The following GRIN3A variants were observed in gnomAD, a reference collection of about 807,000 sequenced individuals.
The protein encoded by GRIN3A is glutamate ionotropic receptor NMDA type subunit 3A.
A neutral mutation model predicts 92.4 loss-of-function variants in GRIN3A; 47 were observed. The ratio of observed to expected loss-of-function variants is 0.51; its 90% CI spans 0.40 to 0.65. The LOEUF (loss-of-function observed/expected upper bound fraction) is 0.65. Among genes scored for constraint, GRIN3A ranks in the 30% least tolerant of loss-of-function variants. The pLI, the probability that GRIN3A is intolerant of heterozygous loss-of-function variation, is 0.00. For synonymous variants in GRIN3A, 527 were observed against 540.6 expected, an observed-to-expected ratio of 0.97 and a Z score of 0.35; for missense variants, 1,324 against 1,393.1, an observed-to-expected ratio of 0.95 and a Z score of 0.79.
intron 3 of GRIN3A, among the ~76,000 whole-genome samples, chr9:101,644,438 C>A (rs1369949197): frequency 1.4e-5 from 2 of 142,664 alleles, no homozygotes; most frequent in Non-Finnish European, 3.0e-5. Flanking sequence ...GTTCCTGGCC[C>A]CTTGAAATTA....
At chr9:101,707,719 T>C (rs1829829797) in intron 1 of GRIN3A, among the ~76,000 whole-genome samples, 1 of 152,182 alleles carries the variant, frequency 6.6e-6, no homozygotes, top group Non-Finnish European at 1.5e-5. Context: ...AGACAATTAT[T>C]TGTACCCTTA....
chr9:101,572,604 TG>T lies in GRIN3A; in HGVS notation c.*569del. 6.2e-6 allele frequency: 1 copy of T among 161,022 alleles called. No homozygotes were observed. The highest frequency in any genetic ancestry group is 1.7e-4 in the South Asian group (1 of 5,918). The allele number at this position is 161,022 out of a possible 1,614,324, so 10.0% of individuals were successfully genotyped here. Reference sequence around the variant, plus strand: ...CCTTCTCAAAAACATGGCTCTTGCCTGGTCCAATCAATCCTTGACGTTTATG... The same window carrying T: ...CCTTCTCAAAAACATGGCTCTTGCCTGTCCAATCAATCCTTGACGTTTATG... On this transcript the variant is annotated 3_prime_UTR_variant, in exon 9 of 9. Coordinates refer to ENST00000361820, the MANE Select transcript of GRIN3A (RefSeq NM_133445.3).
chr9:101,670,744 G>T lies in GRIN3A; in HGVS notation c.1668C>A (p.Ser556Arg). The T allele has an allele frequency of 1.2e-6, 2 of 1,614,022 alleles. No homozygotes were observed. Among genetic ancestry groups the T allele is most frequent in the South Asian group, 1.1e-5 (1 of 91,090 alleles). ...PMTNDSSTLD[S>R]LFSSLHSSND... Reference sequence around the variant, plus strand: ...TACTGCTATGGAGGCTGCTAAAAAGGCTGTCCAATGTGGAAGAGTCATTAG... The same window carrying T: ...TACTGCTATGGAGGCTGCTAAAAAGTCTGTCCAATGTGGAAGAGTCATTAG... Residue 556 changes from serine (S) to arginine (R), a missense_variant, in exon 3 of 9, where the codon AGC (serine) becomes AGA (arginine). Transcript: ENST00000361820.
At chr9:101,611,241 T>A (rs895456670) in intron 6 of GRIN3A, among the ~76,000 whole-genome samples, 3 of 152,172 alleles carry the variant, frequency 2.0e-5, no homozygotes, top group Non-Finnish European at 4.4e-5. Context: ...TTTATGCTTC[T>A]CTCCTAGCTT....
chr9:101,681,563 T>A lies in GRIN3A; in HGVS notation c.1304+5033A>T, dbSNP rs192223319. ...GGTGAATTTGCATATGTCATTTCCTTTGTCTGTGAATTTGTTCCAAACCTA... is the reference window on the plus strand; with the variant it reads ...GGTGAATTTGCATATGTCATTTCCTATGTCTGTGAATTTGTTCCAAACCTA... On this transcript the variant is annotated intron_variant, in intron 2 of 8. Transcript: ENST00000361820. Among the ~76,000 whole-genome samples the A allele has an allele frequency of 5.4e-4, 82 of 152,350 alleles. 1 individual carries two copies. Among genetic ancestry groups the A allele is most frequent in the Admixed American group, 5.2e-4 (8 of 15,310 alleles).
At chr9:101,594,054 T>C (rs1430363828) in intron 6 of GRIN3A, 1 of 206,102 alleles carries the variant, frequency 4.9e-6, no homozygotes, top group Non-Finnish European at 9.7e-6. Context: ...TCCTCCCATA[T>C]ACAAAATGAT....
chr9:101,670,083 G>T lies in GRIN3A; in HGVS notation c.2329C>A (p.Leu777Ile), dbSNP rs1174072157. Reference sequence around the variant, plus strand: ...ACCTTGGGGTCATGTATTCCAGAAAGCTCTTCATAGATCTTCTCACCTACC... The same window carrying T: ...ACCTTGGGGTCATGTATTCCAGAAATCTCTTCATAGATCTTCTCACCTACC... ...VMVGEKIYEE[L>I]SGIHDPKLHH... Residue 777 changes from leucine (L) to isoleucine (I), a missense_variant, in exon 3 of 9, where the codon CTT (leucine) becomes ATT (isoleucine). Physicochemically the swap from Leu to Ile is conservative, Grantham distance 5. Transcript: ENST00000361820. 1.2e-6 allele frequency: 2 copies of T among 1,613,412 alleles called. No individual in the cohort carries two copies. The highest frequency in any genetic ancestry group is 1.7e-6 in the Non-Finnish European group (2 of 1,179,524).
At chr9:101,719,458 G>A (rs928489190) in intron 1 of GRIN3A, among the ~76,000 whole-genome samples, 1 of 151,598 alleles carries the variant, frequency 6.6e-6, no homozygotes, top group African/African-American at 2.4e-5. Flanking sequence ...GGGTTAGGAG[G>A]CCATTTAAAT....
intron 3 of GRIN3A, among the ~76,000 whole-genome samples, chr9:101,660,510 C>T (rs1239064096): frequency 6.6e-6 from 1 of 151,664 alleles, no homozygotes; most frequent in Non-Finnish European, 1.5e-5. Context: ...TTGCTTAGGC[C>T]CTAGGAACAG....
At chr9:101,691,043 C>A (rs527994289) in intron 1 of GRIN3A, among the ~76,000 whole-genome samples, 9 of 151,848 alleles carry the variant, frequency 5.9e-5, no homozygotes, top group African/African-American at 1.9e-4. Context: ...CACAGCACAC[C>A]GTATTTTTAG....
rs1369411451 is a variant in GRIN3A at position 101,570,122 on chromosome 9, T to A, written c.*3052A>T. The A allele has an allele frequency of 2.6e-5, 4 of 152,156 alleles. No individual in the cohort carries two copies. Among genetic ancestry groups the A allele is most frequent in the Non-Finnish European group, 5.9e-5 (4 of 68,056 alleles). 9.4% of individuals were successfully genotyped at this position (152,156 alleles called of 1,614,324 possible). Reference sequence around the variant, plus strand: ...AATTTGTTTTTAAATTTTGGGAGATTCCCCTTTCTCCTCCACCTGGAAGCA... The same window carrying A: ...AATTTGTTTTTAAATTTTGGGAGATACCCCTTTCTCCTCCACCTGGAAGCA... On this transcript the variant is annotated 3_prime_UTR_variant, in exon 9 of 9. Coordinates refer to ENST00000361820, the MANE Select transcript of GRIN3A (RefSeq NM_133445.3).
intron 1 of GRIN3A, among the ~76,000 whole-genome samples, chr9:101,687,577 C>T (rs1829555475): frequency 6.6e-6 from 1 of 152,148 alleles, no homozygotes; most frequent in Admixed American, 6.5e-5. Flanking sequence ...ACTTTGATCT[C>T]ATACGCAATA....
chr9:101,604,803 A>C (rs1219407396), intron 6 of GRIN3A, among the ~76,000 whole-genome samples: 3 of 151,412 alleles, frequency 2.0e-5, no homozygotes, highest in Non-Finnish European at 4.4e-5. Flanking sequence ...GAAAAAACTG[A>C]CTGGCATTGA....
intron 1 of GRIN3A, among the ~76,000 whole-genome samples, chr9:101,709,551 A>G (rs1453127069): frequency 6.6e-6 from 1 of 152,178 alleles, no homozygotes; most frequent in African/African-American, 2.4e-5. Flanking sequence ...ATCTGTAGTG[A>G]TTTAGAGGAG....
chr9:101,596,099 A>G (rs1231849079), intron 6 of GRIN3A, among the ~76,000 whole-genome samples: 1 of 152,224 alleles, frequency 6.6e-6, no homozygotes, highest in Non-Finnish European at 1.5e-5. Context: ...CATCAAACTG[A>G]AAGATGCAAA....
intron 4 of GRIN3A, among the ~76,000 whole-genome samples, chr9:101,626,193 T>C (rs1828632580): frequency 6.6e-6 from 1 of 152,218 alleles, no homozygotes; most frequent in African/African-American, 2.4e-5. Context: ...CTGTCTTTTC[T>C]TAAGCATTAT....
intron 6 of GRIN3A, chr9:101,594,752 C>G (rs1436991419): frequency 2.5e-6 from 4 of 1,614,124 alleles, no homozygotes; most frequent in Non-Finnish European, 1.7e-6. Context: ...GTCGATCACT[C>G]GCCGCACCAA....
intron 3 of GRIN3A, among the ~76,000 whole-genome samples, chr9:101,634,491 A>C (rs1828758077): frequency 6.6e-6 from 1 of 151,534 alleles, no homozygotes; most frequent in Non-Finnish European, 1.5e-5. Context: ...TATGCTAATA[A>C]ATTCATATCT....
chr9:101,662,513 C>T (rs1259358718), intron 3 of GRIN3A, among the ~76,000 whole-genome samples: 1 of 151,530 alleles, frequency 6.6e-6, no homozygotes, highest in East Asian at 1.9e-4. Flanking sequence ...TGAATATTAG[C>T]TTTTCTTTTA....
Sources: gnomAD v4.1 joint callset for allele counts (sites outside exome capture counted in the v4.1 genomes callset) on GRCh38, gnomAD v4.1.1 for gene constraint, MANE v1.5 for transcripts, NCBI Gene and HGNC (gene_info 2026-07-23, HGNC 2026-07-21) for gene names.